TMEM132D: variants seen among roughly 807,000 people sequenced by gnomAD.
The protein encoded by TMEM132D is mature OL transmembrane protein.
TMEM132D carries 21 observed loss-of-function variants against 62.3 expected under a neutral mutation model. The ratio of observed to expected loss-of-function variants is 0.34; its 90% confidence interval spans 0.24 to 0.49. TMEM132D has a LOEUF of 0.49. Ranked by LOEUF, TMEM132D falls within the 20% of genes least tolerant of loss-of-function variation. The pLI is 0.99. For synonymous variants in TMEM132D, 621 were observed against 575.6 expected (o/e 1.08, Z -1.13); for missense variants, 1,346 against 1,402.8 (o/e 0.96, Z 0.65).
chr12:129,495,951 A>G (rs1373652313), intron 3 of TMEM132D, among the ~76,000 whole-genome samples: 1 of 152,214 alleles, frequency 6.6e-6, no homozygotes, highest in Non-Finnish European at 1.5e-5. Flanking sequence ...TTACAAGTCC[A>G]TTATGAAATA....
At chr12:129,197,372 T>C (rs1164126735) in intron 5 of TMEM132D, among the ~76,000 whole-genome samples, 6 of 152,162 alleles carry the variant, frequency 3.9e-5, no homozygotes, top group Non-Finnish European at 7.3e-5. Flanking sequence ...GGGTACCACG[T>C]ATGTGATCTC....
At chr12:129,572,340 A>ACGGTGCC (rs1374177369) in intron 2 of TMEM132D, among the ~76,000 whole-genome samples, 1 of 152,204 alleles carries the variant, frequency 6.6e-6, no homozygotes, top group Non-Finnish European at 1.5e-5. Context: ...CCTGCCCTGG[A>ACGGTGCC]CGGTGCCCGG....
At chr12:129,323,345 T>C (rs945247172) in intron 4 of TMEM132D, among the ~76,000 whole-genome samples, 32 of 152,326 alleles carry the variant, frequency 2.1e-4, no homozygotes, top group African/African-American at 7.2e-4. Context: ...GAGAAATTGA[T>C]ATAAATCCAC....
chr12:129,902,609 C>T (rs1045852871), intron 1 of TMEM132D, among the ~76,000 whole-genome samples: 2 of 152,206 alleles, frequency 1.3e-5, no homozygotes, highest in Non-Finnish European at 2.9e-5. Context: ...CGGGTCACAA[C>T]TTGTAGCTGA....
intron 1 of TMEM132D, among the ~76,000 whole-genome samples, chr12:129,781,144 T>A (rs1266292251): frequency 6.6e-6 from 1 of 152,178 alleles, no homozygotes; most frequent in African/African-American, 2.4e-5. Context: ...CAGAGTTTGG[T>A]TTTAAGTCTC....
chr12:129,247,857 T>C (rs1215573500), intron 4 of TMEM132D, among the ~76,000 whole-genome samples: 1 of 138,354 alleles, frequency 7.2e-6, no homozygotes, highest in Admixed American at 7.2e-5. Flanking sequence ...CCAGCTTCAA[T>C]GAGCAGGTTT....
At chr12:129,548,678 G>A (rs753557145) in intron 2 of TMEM132D, among the ~76,000 whole-genome samples, 35 of 151,152 alleles carry the variant, frequency 2.3e-4, no homozygotes, top group Non-Finnish European at 4.1e-4. Flanking sequence ...ATGCCTCTTC[G>A]GCTCACACTT....
chr12:129,543,312 A>AGATG lies in TMEM132D; in HGVS notation c.969-12111_969-12108dup, dbSNP rs1215351562. On this transcript the variant is annotated intron_variant, in intron 2 of 8. Coordinates refer to ENST00000422113, the MANE Select transcript of TMEM132D (RefSeq NM_133448.3). ...TGGGTGGGTGGGTGGGTGGATGGAT[A>AGATG]GATGGATGGATGGATGGATGGATGA... Among the ~76,000 whole-genome samples, 328 of 125,064 alleles carry AGATG rather than the reference A, an allele frequency of 2.6e-3. 1 individual carries two copies. The highest frequency in any genetic ancestry group is 0.018 in the Middle Eastern group (4 of 226). 82.0% of individuals were successfully genotyped at this position (125,064 alleles called of 152,430 possible).
intron 1 of TMEM132D, among the ~76,000 whole-genome samples, chr12:129,755,325 A>C (rs1422740727): frequency 6.6e-6 from 1 of 152,250 alleles, no homozygotes; most frequent in African/African-American, 2.4e-5. Context: ...TAAGGTGCAT[A>C]AAATCTTTAA....
chr12:129,824,683 T>C (rs561930088), intron 1 of TMEM132D, among the ~76,000 whole-genome samples: 1 of 152,328 alleles, frequency 6.6e-6, no homozygotes, highest in South Asian at 2.1e-4. Context: ...AAACTGAATC[T>C]GCAGGCACCT....
At chr12:129,818,745 G>A (rs1049295249) in intron 1 of TMEM132D, among the ~76,000 whole-genome samples, 3 of 151,946 alleles carry the variant, frequency 2.0e-5, no homozygotes, top group African/African-American at 4.8e-5. Flanking sequence ...GCCACTTAAA[G>A]TAGAACGTGC....
chr12:129,239,870 A>G (rs1363041811), intron 4 of TMEM132D, among the ~76,000 whole-genome samples: 1 of 152,220 alleles, frequency 6.6e-6, no homozygotes. Flanking sequence ...TGAAATTTCT[A>G]ATGGCAGCCC....
At chr12:129,477,921 A>T (rs1338095285) in intron 3 of TMEM132D, among the ~76,000 whole-genome samples, 2 of 152,172 alleles carry the variant, frequency 1.3e-5, no homozygotes, top group African/African-American at 4.8e-5. Flanking sequence ...TGACGGGGAC[A>T]TGTTATATGT....
At chr12:129,261,167 G>T (rs1880541944) in intron 4 of TMEM132D, among the ~76,000 whole-genome samples, 1 of 151,940 alleles carries the variant, frequency 6.6e-6, no homozygotes, top group African/African-American at 2.4e-5. Flanking sequence ...TTTTTAAAAG[G>T]GCTGTTTATT....
intron 5 of TMEM132D, among the ~76,000 whole-genome samples, chr12:129,116,570 T>C (rs1043767816): frequency 1.3e-5 from 2 of 151,890 alleles, no homozygotes; most frequent in Admixed American, 6.6e-5. Context: ...AATTAAACAA[T>C]AGGCAAAGAT....
chr12:129,139,286 G>C (rs919586044), intron 5 of TMEM132D, among the ~76,000 whole-genome samples: 2 of 152,172 alleles, frequency 1.3e-5, no homozygotes, highest in African/African-American at 4.8e-5. Flanking sequence ...TGTGTGTTGA[G>C]AGATTTGAAT....
chr12:129,107,440 G>T (rs758835352), intron 5 of TMEM132D, among the ~76,000 whole-genome samples: 2 of 152,162 alleles, frequency 1.3e-5, no homozygotes, highest in Middle Eastern at 3.2e-3. Flanking sequence ...GCATGACCAC[G>T]TGAGAAAACA....
chr12:129,710,883 C>T (rs923805514), intron 1 of TMEM132D, among the ~76,000 whole-genome samples: 8 of 147,724 alleles, frequency 5.4e-5, no homozygotes, highest in African/African-American at 2.1e-4. Flanking sequence ...CACGCGCATT[C>T]CCCGGCTGTG....
chr12:129,215,072 A>G (rs764075433), intron 4 of TMEM132D, among the ~76,000 whole-genome samples: 2 of 152,214 alleles, frequency 1.3e-5, no homozygotes, highest in Admixed American at 1.3e-4. Flanking sequence ...ATGTCCATCA[A>G]TGGTAGACTG....
Sources: allele counts gnomAD v4.1 joint callset (sites outside exome capture counted in the v4.1 genomes callset), GRCh38; gene constraint gnomAD v4.1.1; transcripts MANE v1.5; gene names NCBI Gene and HGNC (gene_info 2026-07-23, HGNC 2026-07-21).